Variants in EMC3 observed in about 807,000 individuals in gnomAD.
EMC3 encodes ER membrane protein complex subunit 3, also known as 30 kDa protein.
A neutral mutation model predicts 36.6 loss-of-function variants in EMC3; 13 were observed. The ratio of observed to expected loss-of-function variants is 0.35; its 90% confidence interval spans 0.23 to 0.56. EMC3 has a LOEUF of 0.56. Ranked by LOEUF, EMC3 falls within the 20% of genes least tolerant of loss-of-function variation. The pLI is 0.84. For synonymous variants in EMC3, 120 were observed against 111.9 expected (o/e 1.07, Z -0.46); for missense variants, 220 against 324.5 (o/e 0.68, Z 2.47).
At chr3:9,980,703 G>A (rs1454407808) in intron 1 of EMC3, among the ~76,000 whole-genome samples, 2 of 151,944 alleles carry the variant, frequency 1.3e-5, no homozygotes, top group Non-Finnish European at 2.9e-5. Context: ...GAGAATTTTA[G>A]GCTGAGTTCT....
At chr3:10,000,578 A>G in intron 1 of EMC3, 1 of 354,926 alleles carries the variant, frequency 2.8e-6, no homozygotes, top group Middle Eastern at 1.1e-3. Context: ...CTATTAAAGT[A>G]TGGTACACAT....
chr3:9,988,047 T>TA (rs1387781993), upstream of EMC3: 2 of 679,460 alleles, frequency 2.9e-6, no homozygotes, highest in African/African-American at 3.6e-5. Flanking sequence ...TTTCCTCACA[T>TA]AGGATGTCAC....
At chr3:9,986,411 G>A in intron 1 of EMC3, 96 bp downstream of exon 1, 1 of 1,429,876 alleles carries the variant, frequency 7.0e-7, no homozygotes, top group East Asian at 2.3e-5. Context: ...GTCAGAGGGG[G>A]CGCGACGTGA....
chr3:9,989,047 ATG>A (rs2086013576), upstream of EMC3, among the ~76,000 whole-genome samples: 1 of 152,100 alleles, frequency 6.6e-6, no homozygotes, highest in South Asian at 2.1e-4. Flanking sequence ...CACTGATGAG[ATG>A]AAGAAAATAA....
At chr3:9,977,854 G>A (rs2085865855) in intron 1 of EMC3, among the ~76,000 whole-genome samples, 1 of 152,066 alleles carries the variant, frequency 6.6e-6, no homozygotes, top group Admixed American at 6.6e-5. Flanking sequence ...ATTACCTACA[G>A]AGAAATGAGA....
At chr3:9,993,910 C>A (rs2086088471) in intron 1 of EMC3, among the ~76,000 whole-genome samples, 1 of 152,254 alleles carries the variant, frequency 6.6e-6, no homozygotes, top group African/African-American at 2.4e-5. Flanking sequence ...GGCCTCCAAT[C>A]CCAAATCGAG....
chr3:9,988,477 G>C, upstream of EMC3: 2 of 1,336,746 alleles, frequency 1.5e-6, no homozygotes, highest in Non-Finnish European at 2.2e-6. Context: ...CCTGGATTAA[G>C]GTGGGATCTT....
chr3:9,995,662 A>T (rs1285040472), intron 1 of EMC3, among the ~76,000 whole-genome samples: 4 of 151,976 alleles, frequency 2.6e-5, no homozygotes, highest in Admixed American at 6.6e-5. Context: ...TTTGAGACGG[A>T]GTCTAGCTCT....
chr3:9,973,423 T>C (rs2085809368), intron 5 of EMC3: 4 of 554,372 alleles, frequency 7.2e-6, no homozygotes, highest in Middle Eastern at 9.5e-4. Flanking sequence ...CTCGATCTCC[T>C]GATCTCATCA....
intron 7 of EMC3, among the ~76,000 whole-genome samples, 198 bp from the exon 8 acceptor site, chr3:9,964,395 A>T (rs6768339): frequency 6.6e-6 from 1 of 151,998 alleles, no homozygotes; most frequent in Non-Finnish European, 1.5e-5. Flanking sequence ...CAATTTATAG[A>T]TAAGGAGACT....
At chr3:9,984,314 T>C (rs975065672) in intron 1 of EMC3, among the ~76,000 whole-genome samples, 2 of 151,910 alleles carry the variant, frequency 1.3e-5, no homozygotes, top group Non-Finnish European at 2.9e-5. Flanking sequence ...TCTCTTGACC[T>C]CATGATCTGC....
intron 1 of EMC3, chr3:10,003,326 A>C: frequency 2.4e-6 from 1 of 414,070 alleles, no homozygotes; most frequent in Non-Finnish European, 4.8e-6. Context: ...ATGCACTTCC[A>C]TTGTATTAAA....
At chr3:9,974,591 C>T (rs1185677087) in intron 3 of EMC3, 103 bp from the exon 4 acceptor site, 6 of 729,192 alleles carry the variant, frequency 8.2e-6, no homozygotes, top group Non-Finnish European at 1.4e-5. Flanking sequence ...CGGAGTCCCG[C>T]TCTGTCGCCC....
chr3:9,974,760 G>A (rs980774178), intron 3 of EMC3, among the ~76,000 whole-genome samples: 9 of 150,858 alleles, frequency 6.0e-5, no homozygotes, highest in South Asian at 2.1e-4. Flanking sequence ...GGGTTTCACC[G>A]TGTCAGCCAG....
intron 5 of EMC3, among the ~76,000 whole-genome samples, chr3:9,971,938 G>A (rs561247740): frequency 7.2e-5 from 11 of 152,166 alleles, no homozygotes; most frequent in Non-Finnish European, 1.0e-4. Context: ...ACATGAAGCA[G>A]CATTACTAGG....
At chr3:10,008,460 C>T (rs2086288407) in intron 1 of EMC3, 1 of 1,367,606 alleles carries the variant, frequency 7.3e-7, no homozygotes, top group South Asian at 1.1e-5. Context: ...TTGCTGCCAG[C>T]AGCCTCCATA....
intron 1 of EMC3, among the ~76,000 whole-genome samples, chr3:9,998,698 A>C (rs970314249): frequency 1.7e-4 from 26 of 151,982 alleles, no homozygotes; most frequent in African/African-American, 6.3e-4. Flanking sequence ...CTTTTCACAT[A>C]CTTCTTGGCC....
intron 7 of EMC3, among the ~76,000 whole-genome samples, chr3:9,967,884 T>C (rs2085748404): frequency 6.6e-6 from 1 of 152,246 alleles, no homozygotes; most frequent in South Asian, 2.1e-4. Flanking sequence ...TCAGCAATGT[T>C]TTGTAATTTT....
At chr3:9,987,813 A>T (rs985589823), upstream of EMC3, 4 of 549,842 alleles carry the variant, frequency 7.3e-6, no homozygotes, top group African/African-American at 7.8e-5. Flanking sequence ...TTTCTTCCTC[A>T]GTCTTTCAGG....
Sources: gnomAD v4.1 joint callset for allele counts (sites outside exome capture counted in the v4.1 genomes callset) on GRCh38, gnomAD v4.1.1 for gene constraint, MANE v1.5 for transcripts, NCBI Gene and HGNC (gene_info 2026-07-23, HGNC 2026-07-21) for gene names.